GPR137B: variants seen among roughly 807,000 people sequenced by gnomAD.
GPR137B encodes the protein G protein-coupled receptor 137B.
A neutral mutation model predicts 42.5 loss-of-function variants in GPR137B; 42 were observed. The observed-to-expected ratio is 0.99, with a 90% CI of 0.77 to 1.28. The LOEUF is 1.28. Ranked by LOEUF, GPR137B falls within the 50% of genes most tolerant of loss-of-function variation. The pLI is 0.00. For missense variants in GPR137B, 487 were observed against 493.9 expected (o/e 0.99, Z 0.13); for synonymous variants, 218 against 209.7 (o/e 1.04, Z -0.34).
Position 236,179,991 on chromosome 1 carries a change from A to C in GPR137B, c.800A>C (p.His267Pro), listed in dbSNP as rs1361420802. 3 of 1,613,718 alleles carry C rather than the reference A, an allele frequency of 1.9e-6. No homozygotes were observed. Among genetic ancestry groups the C allele is most frequent in the Non-Finnish European group, 2.5e-6 (3 of 1,179,796 alleles). Residue 267 changes from histidine (H) to proline (P), a missense_variant, in exon 4 of 7, where the codon CAT becomes CCT. Transcript: ENST00000366592. ...TCATTTTCTCAGAACAAGAGCGTCCATTCCTTTGATTATGACTGGTACAAT... is the reference window on the plus strand; with the variant it reads ...TCATTTTCTCAGAACAAGAGCGTCCCTTCCTTTGATTATGACTGGTACAAT... ...ILSFSQNKSV[H>P]SFDYDWYNVS...
chr1:236,153,344 C>T (rs1476211540), intron 1 of GPR137B, among the ~76,000 whole-genome samples: 8 of 152,308 alleles, frequency 5.3e-5, no homozygotes, highest in African/African-American at 1.9e-4. Flanking sequence ...TTTACCTATC[C>T]TTAATATTTC....
At position 236,155,158 on chromosome 1, in the gene GPR137B, C is replaced by CG. The variant is rs1661986302; in HGVS notation, c.414+12125dup. ...GGACTCCACCCAGGCAGTGGGCAGG[C>CG]GGGCAGGTCCGTGCGCTTCTGTGGC... On this transcript the variant is annotated intron_variant, in intron 1 of 6. Transcript: ENST00000366592. The surrounding 1 kb of genome is among the most constrained non-coding windows in gnomAD (Gnocchi z 4.6). 6.6e-6 allele frequency among the ~76,000 whole-genome samples: 1 copy of CG among 152,228 alleles called. No homozygotes were observed. Among genetic ancestry groups the CG allele is most frequent in the South Asian group, 2.1e-4 (1 of 4,838 alleles).
rs2102890678 is a variant in GPR137B, at chr1:236,150,420, T to TA, written c.414+7385dup. 6.6e-6 allele frequency among the ~76,000 whole-genome samples: 1 copy of TA among 152,292 alleles called. No individual in the cohort carries two copies. The highest frequency in any genetic ancestry group is 6.5e-5 in the Admixed American group (1 of 15,300). On this transcript the variant is annotated intron_variant, in intron 1 of 6. Transcript: ENST00000366592. This position sits in a 1 kb window ranked among gnomAD's most constrained non-coding sequence, Gnocchi z 6.2. The stretch of plus-strand genomic sequence containing the variant: ...CCTCCCGCAGGCCACTTTCTAAACA[T>TA]ACAGCCCAGTTTCCCGAGCCCTCTC...
At chr1:236,176,757 C>T (rs946212268) in intron 2 of GPR137B, among the ~76,000 whole-genome samples, 26 of 150,720 alleles carry the variant, frequency 1.7e-4, no homozygotes, top group Non-Finnish European at 3.5e-4. Context: ...TTCTTCCCTC[C>T]CTCCCTCTTA....
Position 236,208,127 on chromosome 1 carries a change from C to G in GPR137B, c.1169C>G (p.Thr390Ser), listed in dbSNP as rs1231751503. 6.2e-7 allele frequency: 1 copy of G among 1,613,798 alleles called. No homozygotes were observed. The highest frequency in any genetic ancestry group is 1.3e-5 in the African/African-American group (1 of 75,062). ...CAAGCAGGAACTTTGCAAGACTCAA[C>G]TTTGGATCCTGACAAACCAAGCCTT... ...LAQAGTLQDS[T>S]LDPDKPSLG The change falls in exon 7 of 7, where the codon ACT becomes AGT. Residue 390 changes from threonine (T) to serine (S), a missense_variant. Transcript: ENST00000366592.
chr1:236,193,312 G>A (rs999440559), intron 5 of GPR137B, among the ~76,000 whole-genome samples: 4 of 152,164 alleles, frequency 2.6e-5, no homozygotes, highest in African/African-American at 9.7e-5. Flanking sequence ...ATTTGGCTAT[G>A]ATGAATAAGG....
intron 1 of GPR137B, among the ~76,000 whole-genome samples, chr1:236,159,237 C>G (rs967092643): frequency 2.0e-5 from 3 of 152,070 alleles, no homozygotes; most frequent in Non-Finnish European, 4.4e-5. Flanking sequence ...TCCTGGAGCC[C>G]AGGAAGATGG....
chr1:236,208,760 C>G lies in GPR137B; in HGVS notation c.*602C>G. 1.0e-6 allele frequency: 1 copy of G among 985,066 alleles called. No individual in the cohort carries two copies. The highest frequency in any genetic ancestry group is 1.2e-6 in the Non-Finnish European group (1 of 829,776). 61.0% of individuals were successfully genotyped at this position (985,066 alleles called of 1,614,324 possible). A position where few individuals can be genotyped will look rare whatever the true frequency, so the allele number is the denominator to read the frequency against. ...GAGATTTTTTTTTTAAGGTTCAGGC[C>G]GTAGGTTCCTCAAGGAATCTCTTAA... On this transcript the variant is annotated 3_prime_UTR_variant, in exon 7 of 7. Coordinates refer to ENST00000366592, the MANE Select transcript of GPR137B (RefSeq NM_003272.4).
At chr1:236,163,108 A>G (rs1002607746) in intron 1 of GPR137B, among the ~76,000 whole-genome samples, 8 of 152,232 alleles carry the variant, frequency 5.3e-5, no homozygotes, top group Non-Finnish European at 1.2e-4. Flanking sequence ...CACCTCTTGC[A>G]TCACTGTGAC....
chr1:236,143,507 C>T (rs1345213020), intron 1 of GPR137B, among the ~76,000 whole-genome samples: 1 of 152,242 alleles, frequency 6.6e-6, no homozygotes, highest in African/African-American at 2.4e-5. Context: ...CTGTTTTGAG[C>T]GTTGGCAGGG....
Position 236,190,139 on chromosome 1 carries a change from C to T in GPR137B, c.966+6233C>T, listed in dbSNP as rs538181546. ...TTATCAGAGATTAGGACTGCAACTC[C>T]TGCTTCTTCTTTTTTTTTTTTTTTT... On this transcript the variant is annotated intron_variant, in intron 5 of 6. Coordinates refer to ENST00000366592, the MANE Select transcript of GPR137B (RefSeq NM_003272.4). 2.2e-3 allele frequency among the ~76,000 whole-genome samples: 235 copies of T among 105,168 alleles called. 1 individual carries two copies. The highest frequency in any genetic ancestry group is 0.014 in the African/African-American group (229 of 16,542). The allele number at this position is 105,168 out of a possible 152,430, so 69.0% of individuals were successfully genotyped here.
In GPR137B at chr1:236,181,893, A is replaced by ATTTTAACCTTTTTTTT. The variant is rs10680855; in HGVS notation, c.837+1869_837+1870insAACCTTTTTTTTTTTT. Among the ~76,000 whole-genome samples, 57 of 121,492 alleles carry ATTTTAACCTTTTTTTT rather than the reference A, an allele frequency of 4.7e-4. 3 individuals carry two copies. The highest frequency in any genetic ancestry group is 1.1e-3 in the East Asian group (4 of 3,726). The allele number at this position is 121,492 out of a possible 152,430, so 79.7% of individuals were successfully genotyped here. On this transcript the variant is annotated intron_variant, in intron 4 of 6. Transcript: ENST00000366592. ...TAGTAAAATACACATAATATTTGCT[A>ATTTTAACCTTTTTTTT]TTTTTTTTTTTTTTTTTTGAGACGG...
rs1228070223 is a variant in GPR137B, at chr1:236,171,783, G to A, written c.464+3028G>A. Among the ~76,000 whole-genome samples, 2 of 152,196 alleles carry A rather than the reference G, an allele frequency of 1.3e-5. No homozygotes were observed. Among genetic ancestry groups the A allele is most frequent in the Admixed American group, 1.3e-4 (2 of 15,280 alleles). On this transcript the variant is annotated intron_variant, in intron 2 of 6. Transcript: ENST00000366592. The surrounding 1 kb of genome is among the most constrained non-coding windows in gnomAD (Gnocchi z 4.4). Reference sequence around the variant, plus strand: ...TTTGGGACTGGGCGCGGTGGCTCATGCCTGTAATCCCAGCACTTTGGGAGG... The same window carrying A: ...TTTGGGACTGGGCGCGGTGGCTCATACCTGTAATCCCAGCACTTTGGGAGG...
At chr1:236,143,092 G>A in intron 1 of GPR137B, 56 bp downstream of exon 1, 1 of 1,501,500 alleles carries the variant, frequency 6.7e-7, no homozygotes. Flanking sequence ...TCCCCGCGGG[G>A]CGCCCGAGGC....
At position 236,150,389 on chromosome 1, in the gene GPR137B, C is replaced by G. The variant is rs1041992884; in HGVS notation, c.414+7353C>G. Among the ~76,000 whole-genome samples, 2 of 152,184 alleles carry G rather than the reference C, an allele frequency of 1.3e-5. No homozygotes were observed. Among genetic ancestry groups the G allele is most frequent in the African/African-American group, 4.8e-5 (2 of 41,514 alleles). ...TATTTTCTTGGTCTGCCGTTCACCC[C>G]CAGCACCTCCCGCAGGCCACTTTCT... On this transcript the variant is annotated intron_variant, in intron 1 of 6. Coordinates refer to ENST00000366592, the MANE Select transcript of GPR137B (RefSeq NM_003272.4). The surrounding 1 kb of genome is among the most constrained non-coding windows in gnomAD (Gnocchi z 6.2).
chr1:236,192,433 G>A (rs1572002472), intron 5 of GPR137B, among the ~76,000 whole-genome samples: 2 of 151,872 alleles, frequency 1.3e-5, no homozygotes, highest in African/African-American at 4.8e-5. Flanking sequence ...CCAAATGGCC[G>A]CCCAGTTTTG....
chr1:236,144,521 A>T (rs1387242384), intron 1 of GPR137B, among the ~76,000 whole-genome samples: 3 of 152,266 alleles, frequency 2.0e-5, no homozygotes, highest in Admixed American at 2.0e-4. Context: ...GCTAAAAAAT[A>T]GCATATGTGA....
intron 1 of GPR137B, among the ~76,000 whole-genome samples, chr1:236,144,715 A>C (rs911625972): frequency 6.6e-6 from 1 of 152,344 alleles, no homozygotes; most frequent in African/African-American, 2.4e-5. Context: ...TTTGTAATTG[A>C]AATGAGGTGG....
intron 1 of GPR137B, among the ~76,000 whole-genome samples, chr1:236,146,814 T>G (rs1195767480): frequency 6.6e-6 from 1 of 152,212 alleles, no homozygotes; most frequent in Non-Finnish European, 1.5e-5. Context: ...TTTCTAGTCA[T>G]ACTCGGTAAT....
Sources: gnomAD v4.1 joint callset for allele counts (sites outside exome capture counted in the v4.1 genomes callset) on GRCh38, gnomAD v4.1.1 for gene constraint, Gnocchi (gnomAD v3.1) non-coding constraint, MANE v1.5 for transcripts, NCBI Gene and HGNC (gene_info 2026-07-23, HGNC 2026-07-21) for gene names.